The following EXD1 variants were observed in gnomAD, a reference collection of about 807,000 sequenced individuals.
EXD1 encodes the protein exonuclease 3'-5' domain containing 1.
A neutral mutation model predicts 49.1 loss-of-function variants in EXD1; 63 were observed. The ratio of observed to expected loss-of-function variants is 1.28; its 90% CI spans 1.05 to 1.58. The LOEUF (loss-of-function observed/expected upper bound fraction) is 1.58. Ranked by LOEUF, EXD1 falls within the 40% of genes most tolerant of loss-of-function variation. EXD1 has a pLI of 0.00. For synonymous variants in EXD1, 234 were observed against 239.2 expected, an observed-to-expected ratio of 0.98 and a Z score of 0.20; for missense variants, 748 against 666.0, an observed-to-expected ratio of 1.12 and a Z score of -1.36.
chr15:41,221,734 T>G (rs1595459232), intron 2 of EXD1, among the ~76,000 whole-genome samples: 1 of 152,096 alleles, frequency 6.6e-6, no homozygotes, highest in East Asian at 1.9e-4. Flanking sequence ...TACCCACTTC[T>G]TAGTTGTCCT....
At chr15:41,201,661 C>A (rs1160423186) in intron 7 of EXD1, among the ~76,000 whole-genome samples, 1 of 151,084 alleles carries the variant, frequency 6.6e-6, no homozygotes, top group Admixed American at 6.6e-5. Context: ...GGTTATTTTT[C>A]ATATTTTTAG....
At chr15:41,187,975 A>T (rs750675733) in intron 11 of EXD1, among the ~76,000 whole-genome samples, 3 of 137,292 alleles carry the variant, frequency 2.2e-5, no homozygotes, top group African/African-American at 8.1e-5. Flanking sequence ...GTATCACACC[A>T]CTTCACTCCA....
rs2046606579 is a variant in EXD1 at position 41,195,983 on chromosome 15, C to T, written c.589G>A (p.Ala197Thr). 3.7e-6 allele frequency: 6 copies of T among 1,613,386 alleles called. No homozygotes were observed. In the East Asian group the frequency reaches 1.3e-4, roughly 36 times the overall value. ...LFDIFLLGSRAFHNGLQMILE... is the reference protein window; with the variant it reads ...LFDIFLLGSRTFHNGLQMILE... ...ATCATCTGAAGTCCATTGTGGAAAG[C>T]TCGACTTCCCAGAAGGAAAATGTCA... Residue 197 changes from alanine (A) to threonine (T), a missense_variant, in exon 8 of 12, where the codon GCT becomes ACT. Coordinates refer to ENST00000458580, the MANE Select transcript of EXD1 (RefSeq NM_001286441.2).
intron 11 of EXD1, among the ~76,000 whole-genome samples, chr15:41,188,294 T>C (rs576237270): frequency 1.3e-5 from 2 of 151,916 alleles, no homozygotes; most frequent in Admixed American, 6.6e-5. Flanking sequence ...TCCTGATCTA[T>C]AGTCTCCCTC....
rs544881823 is a variant in EXD1 at position 41,230,453 on chromosome 15, T to G, written c.-54+26A>C. Reference sequence around the variant, plus strand: ...AAAATTTCTCATTTTTAAGACAAAATAAGGAACTTCAAATAAATGGCGGAC... The same window carrying G: ...AAAATTTCTCATTTTTAAGACAAAAGAAGGAACTTCAAATAAATGGCGGAC... On this transcript the variant is annotated intron_variant, in intron 1 of 11. Transcript: ENST00000458580. The G allele has an allele frequency of 5.3e-5, 85 of 1,604,808 alleles. No individual in the cohort carries two copies. In the East Asian group the frequency reaches 1.7e-3, roughly 32 times the overall value.
At position 41,221,105 on chromosome 15, in the gene EXD1, A is replaced by C. The variant is rs80224616; in HGVS notation, c.134-1207T>G. Reference sequence around the variant, plus strand: ...ATTGAGTACCCACTCTGAGCCAGGCATCATGCTATTTCCCTATACTCAAAT... The same window carrying C: ...ATTGAGTACCCACTCTGAGCCAGGCCTCATGCTATTTCCCTATACTCAAAT... On this transcript the variant is annotated intron_variant, in intron 2 of 11. Coordinates refer to ENST00000458580, the MANE Select transcript of EXD1 (RefSeq NM_001286441.2). 4.2e-3 allele frequency among the ~76,000 whole-genome samples: 632 copies of C among 152,268 alleles called. 7 individuals are homozygous for C. The highest frequency in any genetic ancestry group is 0.014 in the African/African-American group (589 of 41,556).
intron 7 of EXD1, among the ~76,000 whole-genome samples, chr15:41,196,422 T>G (rs1339835555): frequency 6.7e-6 from 1 of 149,690 alleles, no homozygotes; most frequent in Non-Finnish European, 1.5e-5. Flanking sequence ...GTTCAAGCAA[T>G]TCTCCTGTCT....
chr15:41,195,689 CTT>C, intron 9 of EXD1, 84 bp downstream of exon 9: 7 of 903,898 alleles, frequency 7.7e-6, no homozygotes, highest in African/African-American at 3.5e-5. Flanking sequence ...ATTAAAAAGA[CTT>C]TCACTCATCA....
intron 4 of EXD1, 143 bp downstream of exon 4, chr15:41,216,954 T>C (rs2047009240): frequency 2.3e-6 from 3 of 1,306,628 alleles, no homozygotes; most frequent in Non-Finnish European, 3.2e-6. Context: ...TATCTAACAA[T>C]GGAAGAAAAC....
At chr15:41,221,965 T>C (rs2047095333) in intron 2 of EXD1, among the ~76,000 whole-genome samples, 1 of 150,944 alleles carries the variant, frequency 6.6e-6, no homozygotes, top group African/African-American at 2.4e-5. Flanking sequence ...CCAGGCGCGG[T>C]GGCAGGTGCC....
At chr15:41,194,429 C>T (rs969078396) in intron 9 of EXD1, among the ~76,000 whole-genome samples, 2 of 152,064 alleles carry the variant, frequency 1.3e-5, no homozygotes, top group African/African-American at 4.8e-5. Context: ...GAGGAAGGGG[C>T]TACAAGCCAA....
At chr15:41,192,856 C>T (rs1164700183) in intron 9 of EXD1, among the ~76,000 whole-genome samples, 4 of 141,712 alleles carry the variant, frequency 2.8e-5, no homozygotes, top group Non-Finnish European at 6.0e-5. Flanking sequence ...AGTGCTGTGG[C>T]GCGATCTCGG....
chr15:41,209,323 G>A lies in EXD1; in HGVS notation c.534+178C>T, dbSNP rs182777500. Among the ~76,000 whole-genome samples the A allele has an allele frequency of 3.4e-4, 51 of 152,204 alleles. 1 individual carries two copies. The highest frequency in any genetic ancestry group is 3.1e-3 in the East Asian group (16 of 5,184). On this transcript the variant is annotated intron_variant, in intron 7 of 11. Transcript: ENST00000458580. ...CCAGCTACTCAGGAGGCTAAAGTGAGGATAGACAGCATGAGCCCAGGAGTT... is the reference window on the plus strand; with the variant it reads ...CCAGCTACTCAGGAGGCTAAAGTGAAGATAGACAGCATGAGCCCAGGAGTT...
chr15:41,227,606 G>A (rs1049353149), intron 1 of EXD1, among the ~76,000 whole-genome samples: 1 of 150,374 alleles, frequency 6.7e-6, no homozygotes, highest in African/African-American at 2.5e-5. Flanking sequence ...GGAGGCAGAG[G>A]TTGCAGTGAG....
intron 7 of EXD1, among the ~76,000 whole-genome samples, chr15:41,204,748 A>G (rs1185822523): frequency 1.3e-5 from 2 of 152,226 alleles, no homozygotes; most frequent in Middle Eastern, 3.4e-3. Context: ...GTACTTGTAT[A>G]TATACATACA....
rs1486957881 is a variant in EXD1, at chr15:41,230,526, G to T, written c.-101C>A. ...CTCCATCGTTAGGGCTTTTTCCTCC[G>T]AAGGAAGTTTGGGAAATCTGGATCC... On this transcript the variant is annotated 5_prime_UTR_variant, in exon 1 of 12. Coordinates refer to ENST00000458580, the MANE Select transcript of EXD1 (RefSeq NM_001286441.2). The T allele has an allele frequency of 3.7e-6, 6 of 1,614,028 alleles. No homozygotes were observed. The highest frequency in any genetic ancestry group is 5.1e-6 in the Non-Finnish European group (6 of 1,180,014).
intron 11 of EXD1, among the ~76,000 whole-genome samples, chr15:41,188,554 A>G (rs1307338253): frequency 2.0e-5 from 3 of 151,524 alleles, no homozygotes; most frequent in Non-Finnish European, 1.5e-5. Context: ...CACCATGCCC[A>G]GCTAATTTCT....
chr15:41,197,014 T>G (rs527779979), intron 7 of EXD1, among the ~76,000 whole-genome samples: 1 of 151,316 alleles, frequency 6.6e-6, no homozygotes, highest in Admixed American at 6.6e-5. Context: ...TTGTAGAGAC[T>G]GGGCTTTGCC....
intron 2 of EXD1, 54 bp downstream of exon 2, chr15:41,226,389 A>C: frequency 6.6e-7 from 1 of 1,506,878 alleles, no homozygotes; most frequent in East Asian, 2.5e-5. Flanking sequence ...AGCCCACTGA[A>C]AGTCAATCAC....
Sources: allele counts gnomAD v4.1 joint callset (sites outside exome capture counted in the v4.1 genomes callset), GRCh38; gene constraint gnomAD v4.1.1; transcripts MANE v1.5; gene names NCBI Gene and HGNC (gene_info 2026-07-23, HGNC 2026-07-21).